Variants in EXOC4 observed in about 807,000 individuals in gnomAD.
EXOC4 encodes SEC8-like 1.
Under a neutral mutation model 107.2 loss-of-function variants are expected in EXOC4, and 71 were observed. That is an observed-to-expected ratio of 0.66 (90% CI 0.55 to 0.81). EXOC4 has a LOEUF of 0.81. Among genes scored for constraint, EXOC4 ranks in the 30% least tolerant of loss-of-function variants. The probability of loss-of-function intolerance (pLI) is 0.00; values close to 1 mark genes in which losing one functional copy is unlikely to be tolerated. For missense variants in EXOC4, 1,108 were observed against 1,189.6 expected, an observed-to-expected ratio of 0.93 and a Z score of 1.01; for synonymous variants, 456 against 441.2, an observed-to-expected ratio of 1.03 and a Z score of -0.42.
chr7:133,480,112 T>A lies in EXOC4; in HGVS notation c.1391T>A (p.Leu464His). ...SAYLREQRRE[L>H]YSRSGELQGG... ...TATCTGCGAGAACAGAGAAGGGAGC[T>A]CTATAGTCGGAGTGGAGAACTGCAA... The change falls in exon 9 of 18, where the codon CTC (leucine) becomes CAC (histidine). Residue 464 changes from leucine to histidine, a missense_variant. Transcript: ENST00000253861. 6.2e-7 allele frequency: 1 copy of A among 1,614,022 alleles called. No individual in the cohort carries two copies. The highest frequency in any genetic ancestry group is 8.5e-7 in the Non-Finnish European group (1 of 1,179,938).
At chr7:133,461,873 A>T (rs1030303537) in intron 7 of EXOC4, among the ~76,000 whole-genome samples, 2 of 152,188 alleles carry the variant, frequency 1.3e-5, no homozygotes, top group Non-Finnish European at 2.9e-5. Flanking sequence ...CCTGGCTGAC[A>T]GGCGGCAGAG....
chr7:133,752,447 A>C (rs1795814343), intron 10 of EXOC4, among the ~76,000 whole-genome samples: 1 of 152,110 alleles, frequency 6.6e-6, no homozygotes, highest in African/African-American at 2.4e-5. Flanking sequence ...AATGGTACCC[A>C]CCTTTCTGGG....
intron 9 of EXOC4, among the ~76,000 whole-genome samples, chr7:133,511,949 C>T (rs939645940): frequency 3.7e-4 from 56 of 152,202 alleles, no homozygotes; most frequent in Admixed American, 9.8e-4. Context: ...CACCACTTCA[C>T]GCTTAGCCAC....
intron 14 of EXOC4, among the ~76,000 whole-genome samples, chr7:133,971,353 TATATATATAGAGAGAG>T (rs1449766324): frequency 1.6e-4 from 16 of 102,310 alleles, no homozygotes; most frequent in Non-Finnish European, 2.9e-4. Flanking sequence ...TATATATATA[TATATATATAGAGAGAG>T]AGAGAGAGAG....
chr7:133,417,109 A>AGAAGC (rs1000276842), intron 7 of EXOC4, among the ~76,000 whole-genome samples: 33 of 152,186 alleles, frequency 2.2e-4, no homozygotes, highest in Admixed American at 6.5e-4. Context: ...CAGGGTGTGT[A>AGAAGC]ATAGAAGGGA....
chr7:133,382,644 G>A, intron 7 of EXOC4, among the ~76,000 whole-genome samples: 1 of 152,128 alleles, frequency 6.6e-6, no homozygotes, highest in Non-Finnish European at 1.5e-5. Context: ...GAATGAAGAT[G>A]ATGGGATATT....
chr7:133,511,814 A>G lies in EXOC4; in HGVS notation c.1417+31676A>G, dbSNP rs28444942. ...CAGCATTCTTACTTTTTGGGGTGAC[A>G]TATTCTGGTTCCCTTAAGTATAATC... On this transcript the variant is annotated intron_variant, in intron 9 of 17. Coordinates refer to ENST00000253861, the MANE Select transcript of EXOC4 (RefSeq NM_021807.4). 3.0e-3 allele frequency among the ~76,000 whole-genome samples: 442 copies of G among 147,604 alleles called. 4 individuals are homozygous for G. Among genetic ancestry groups the G allele is most frequent in the African/African-American group, 0.011 (418 of 39,338 alleles).
intron 11 of EXOC4, among the ~76,000 whole-genome samples, chr7:133,861,617 C>A (rs572413739): frequency 6.6e-6 from 1 of 152,188 alleles, no homozygotes; most frequent in South Asian, 2.1e-4. Flanking sequence ...TCACTGCAAC[C>A]TCTGCCTTCT....
chr7:133,526,592 G>A (rs986502589), intron 9 of EXOC4, among the ~76,000 whole-genome samples: 6 of 152,146 alleles, frequency 3.9e-5, no homozygotes, highest in Non-Finnish European at 1.5e-5. Flanking sequence ...ACATAGATTC[G>A]CAAAGGCATT....
At chr7:133,379,656 A>ACC (rs552288600) in intron 7 of EXOC4, among the ~76,000 whole-genome samples, 5 of 126,100 alleles carry the variant, frequency 4.0e-5, no homozygotes, top group African/African-American at 5.9e-5. Flanking sequence ...AGTTTTTATG[A>ACC]CCCCCCCCCA....
intron 10 of EXOC4, among the ~76,000 whole-genome samples, chr7:133,636,430 A>C (rs1182846058): frequency 5.9e-5 from 9 of 152,220 alleles, no homozygotes; most frequent in Non-Finnish European, 1.3e-4. Flanking sequence ...AAGTTTATGC[A>C]AAAAGTGAGT....
intron 7 of EXOC4, among the ~76,000 whole-genome samples, chr7:133,465,323 T>G (rs1798701357): frequency 6.6e-6 from 1 of 152,228 alleles, no homozygotes; most frequent in South Asian, 2.1e-4. Flanking sequence ...ATTGTCTCTT[T>G]TATTTGTCTT....
chr7:133,972,679 C>A (rs1801269631), intron 14 of EXOC4, among the ~76,000 whole-genome samples: 1 of 152,146 alleles, frequency 6.6e-6, no homozygotes, highest in African/African-American at 2.4e-5. Flanking sequence ...ATTGCAAATA[C>A]AAAACCCCAG....
chr7:133,542,504 A>G (rs1481794598), intron 9 of EXOC4, among the ~76,000 whole-genome samples: 1 of 152,152 alleles, frequency 6.6e-6, no homozygotes, highest in Non-Finnish European at 1.5e-5. Context: ...GTTTTTACAC[A>G]GAAATGTGGA....
intron 9 of EXOC4, among the ~76,000 whole-genome samples, chr7:133,617,188 G>A (rs1802213561): frequency 2.0e-5 from 3 of 151,880 alleles, no homozygotes; most frequent in Admixed American, 6.6e-5. Flanking sequence ...ATTATTTTTG[G>A]ATTATTTATA....
At chr7:133,842,750 A>G (rs1423774810) in intron 11 of EXOC4, among the ~76,000 whole-genome samples, 4 of 152,032 alleles carry the variant, frequency 2.6e-5, no homozygotes, top group African/African-American at 7.2e-5. Flanking sequence ...GTTATTTTCC[A>G]GGGTTTTTAT....
intron 10 of EXOC4, among the ~76,000 whole-genome samples, chr7:133,712,517 C>G (rs1794916376): frequency 6.7e-6 from 1 of 148,282 alleles, no homozygotes; most frequent in African/African-American, 2.5e-5. Context: ...AAGGGTTCCA[C>G]CATGATGCAT....
chr7:133,926,147 C>T (rs958920930), intron 13 of EXOC4, among the ~76,000 whole-genome samples: 5 of 151,670 alleles, frequency 3.3e-5, no homozygotes, highest in African/African-American at 7.3e-5. Flanking sequence ...AGCAGCAGTA[C>T]GAATTTTCAG....
intron 2 of EXOC4, among the ~76,000 whole-genome samples, chr7:133,281,656 TC>T (rs1440993378): frequency 6.6e-6 from 1 of 151,952 alleles, no homozygotes; most frequent in Non-Finnish European, 1.5e-5. Flanking sequence ...AGGCATTTCC[TC>T]CCTTCTTTAT....
Sources: gnomAD v4.1 joint callset for allele counts (sites outside exome capture counted in the v4.1 genomes callset) on GRCh38, gnomAD v4.1.1 for gene constraint, MANE v1.5 for transcripts, NCBI Gene and HGNC (gene_info 2026-07-23, HGNC 2026-07-21) for gene names.